PDZRN4: variants seen among roughly 807,000 people sequenced by gnomAD.
PDZRN4 encodes the protein PDZ domain containing ring finger 4, also known as PDZ domain-containing RING finger protein 4.
Under a neutral mutation model 99.0 loss-of-function variants are expected in PDZRN4, and 70 were observed. That is an observed-to-expected ratio of 0.71 (90% CI 0.58 to 0.86). The LOEUF (loss-of-function observed/expected upper bound fraction) is 0.86. Among genes scored for constraint, PDZRN4 ranks in the 40% least tolerant of loss-of-function variants. The pLI is 0.00. For synonymous variants in PDZRN4, 551 were observed against 501.6 expected (o/e 1.10, Z -1.32); for missense variants, 1,474 against 1,331.2 (o/e 1.11, Z -1.67).
intron 3 of PDZRN4, among the ~76,000 whole-genome samples, chr12:41,273,122 TGAC>T (rs1339185348): frequency 6.6e-6 from 1 of 152,150 alleles, no homozygotes; most frequent in East Asian, 1.9e-4. Context: ...AATAAAGTGT[TGAC>T]TATCCATTTG....
At chr12:41,531,517 T>C (rs1199842874) in intron 5 of PDZRN4, among the ~76,000 whole-genome samples, 2 of 152,156 alleles carry the variant, frequency 1.3e-5, no homozygotes, top group African/African-American at 4.8e-5. Context: ...GTCTTAGGCT[T>C]TTATAGGCCC....
At position 41,572,427 on chromosome 12, in the gene PDZRN4, G is replaced by A; in HGVS notation, c.1648G>A (p.Glu550Lys). ...DTATSSSNNH[E>K]KDSGVGRTDE... ...TGCAACATCCTCATCCAACAACCAT[G>A]AGAAGGACAGTGGAGTAGGACGTAC... Residue 550 changes from glutamate (E) to lysine (K), a missense_variant, in exon 10 of 10, where the codon GAG becomes AAG. Glu to Lys is a moderately conservative substitution (Grantham distance 56). Coordinates refer to ENST00000402685, the MANE Select transcript of PDZRN4 (RefSeq NM_001164595.2). The A allele has an allele frequency of 1.2e-6, 2 of 1,614,096 alleles. No homozygotes were observed. The highest frequency in any genetic ancestry group is 1.7e-6 in the Non-Finnish European group (2 of 1,179,976).
chr12:41,561,320 G>C (rs180856329), intron 7 of PDZRN4, among the ~76,000 whole-genome samples: 51 of 152,084 alleles, frequency 3.4e-4, no homozygotes, highest in Admixed American at 1.4e-3. Flanking sequence ...AATGATGATA[G>C]TAATAACAAC....
At chr12:41,301,492 G>T (rs1216411412) in intron 3 of PDZRN4, among the ~76,000 whole-genome samples, 1 of 151,882 alleles carries the variant, frequency 6.6e-6, no homozygotes, top group Admixed American at 6.6e-5. Flanking sequence ...TAAGACATAA[G>T]GATATAATCC....
intron 3 of PDZRN4, among the ~76,000 whole-genome samples, chr12:41,383,705 C>T (rs1388538286): frequency 1.3e-5 from 2 of 152,130 alleles, no homozygotes; most frequent in African/African-American, 2.4e-5. Context: ...AATGTTTCCC[C>T]ATAAGTTTTA....
chr12:41,351,980 AAAAT>A (rs138301663), intron 3 of PDZRN4, among the ~76,000 whole-genome samples: 19 of 142,998 alleles, frequency 1.3e-4, no homozygotes, highest in Non-Finnish European at 2.1e-4. Flanking sequence ...CCATTGTCTC[AAAAT>A]AAATAAATAA....
At chr12:41,434,149 G>A (rs982186661) in intron 3 of PDZRN4, among the ~76,000 whole-genome samples, 2 of 152,122 alleles carry the variant, frequency 1.3e-5, no homozygotes, top group African/African-American at 4.8e-5. Context: ...TAAATCTGTA[G>A]ACTTCCTCTT....
At chr12:41,385,154 A>G (rs1952159666) in intron 3 of PDZRN4, among the ~76,000 whole-genome samples, 1 of 152,364 alleles carries the variant, frequency 6.6e-6, no homozygotes, top group Middle Eastern at 3.4e-3. Context: ...AATACTGTAT[A>G]GTAGAATATG....
intron 3 of PDZRN4, among the ~76,000 whole-genome samples, chr12:41,505,782 G>A (rs1938196171): frequency 6.6e-6 from 1 of 150,520 alleles, no homozygotes; most frequent in Non-Finnish European, 1.5e-5. Flanking sequence ...CCCATTCAGA[G>A]GAATTTTAGA....
Position 41,336,600 on chromosome 12 carries a change from G to A in PDZRN4, c.843+142412G>A, listed in dbSNP as rs144718994. Among the ~76,000 whole-genome samples, 443 of 152,222 alleles carry A rather than the reference G, an allele frequency of 2.9e-3. 3 individuals carry two copies. Among genetic ancestry groups the A allele is most frequent in the African/African-American group, 9.9e-3 (410 of 41,560 alleles). ...ACAGAGCCAATTTATCAAGACAGGG[G>A]AATTGCAATGGAGAAAGAGTAATTC... On this transcript the variant is annotated intron_variant, in intron 3 of 9. Coordinates refer to ENST00000402685, the MANE Select transcript of PDZRN4 (RefSeq NM_001164595.2).
chr12:41,415,849 CA>C (rs1284681511), intron 3 of PDZRN4, among the ~76,000 whole-genome samples: 2 of 152,126 alleles, frequency 1.3e-5, no homozygotes, highest in African/African-American at 4.8e-5. Context: ...GTTAGATAAT[CA>C]AGATCTTGAC....
At chr12:41,337,663 C>A (rs1288440927) in intron 3 of PDZRN4, among the ~76,000 whole-genome samples, 1 of 152,080 alleles carries the variant, frequency 6.6e-6, no homozygotes, top group Non-Finnish European at 1.5e-5. Context: ...GTTATAATCC[C>A]TGCTAGTCTT....
chr12:41,409,703 T>C (rs2120370901), intron 3 of PDZRN4: 1 of 152,358 alleles, frequency 6.6e-6, no homozygotes, highest in Middle Eastern at 3.4e-3. Flanking sequence ...ATTAATTTCT[T>C]AGGGCTGTCT....
At chr12:41,370,443 C>A (rs76683542) in intron 3 of PDZRN4, among the ~76,000 whole-genome samples, 2,194 of 151,994 alleles carry the variant, frequency 0.014, 47 homozygotes, top group East Asian at 0.091. Context: ...AATGAAAAGT[C>A]TTTTATCAGT....
At chr12:41,375,019 C>A (rs1388243565) in intron 3 of PDZRN4, among the ~76,000 whole-genome samples, 1 of 151,930 alleles carries the variant, frequency 6.6e-6, no homozygotes, top group Non-Finnish European at 1.5e-5. Flanking sequence ...AGCTAGTGAC[C>A]CTGTAGAACA....
chr12:41,483,552 T>C (rs1937717462), intron 3 of PDZRN4, among the ~76,000 whole-genome samples: 1 of 152,132 alleles, frequency 6.6e-6, no homozygotes, highest in Admixed American at 6.6e-5. Context: ...GCTATTCCTT[T>C]GTAAAAGCAT....
At chr12:41,525,483 T>C (rs960772462) in intron 5 of PDZRN4, among the ~76,000 whole-genome samples, 7 of 152,126 alleles carry the variant, frequency 4.6e-5, no homozygotes, top group Admixed American at 3.9e-4. Flanking sequence ...GACACATATG[T>C]GAAATATATG....
chr12:41,446,692 G>T (rs903802024), intron 3 of PDZRN4, among the ~76,000 whole-genome samples: 5 of 152,024 alleles, frequency 3.3e-5, no homozygotes, highest in Admixed American at 3.3e-4. Flanking sequence ...AGTGTATCAT[G>T]AAGGAATTAG....
intron 1 of PDZRN4, among the ~76,000 whole-genome samples, chr12:41,190,961 C>A (rs1247621280): frequency 6.6e-6 from 1 of 152,166 alleles, no homozygotes; most frequent in African/African-American, 2.4e-5. Context: ...AGTAGCCTAA[C>A]AGATCCTGCA....
Sources: allele counts gnomAD v4.1 joint callset (sites outside exome capture counted in the v4.1 genomes callset), GRCh38; gene constraint gnomAD v4.1.1; transcripts MANE v1.5; gene names NCBI Gene and HGNC (gene_info 2026-07-23, HGNC 2026-07-21).